ITGAV: variants seen among roughly 807,000 people sequenced by gnomAD.
The protein encoded by ITGAV is integrin alpha-V.
A neutral mutation model predicts 143.8 loss-of-function variants in ITGAV; 76 were observed. The ratio of observed to expected loss-of-function variants is 0.53; its 90% CI spans 0.44 to 0.64. The LOEUF is 0.64. Ranked by LOEUF, ITGAV falls within the 30% of genes least tolerant of loss-of-function variation. The pLI, the probability that ITGAV is intolerant of heterozygous loss-of-function variation, is 0.00. For missense variants in ITGAV, 1,193 were observed against 1,274.7 expected (o/e 0.94, Z 0.98); for synonymous variants, 453 against 446.7 (o/e 1.01, Z -0.18).
Position 186,591,466 on chromosome 2 carries a change from G to C in ITGAV, c.185+943G>C, listed in dbSNP as rs553376695. The stretch of plus-strand genomic sequence containing the variant: ...AATGATGTTTAAATCTTGTTTTCAA[G>C]AGAGAAACTGTTCTTAGGGTGCCTT... On this transcript the variant is annotated intron_variant, in intron 1 of 29. Coordinates refer to ENST00000261023, the MANE Select transcript of ITGAV (RefSeq NM_002210.5). Among the ~76,000 whole-genome samples the C allele has an allele frequency of 2.0e-5, 3 of 152,236 alleles. No individual in the cohort carries two copies. The East Asian group carries it at 5.8e-4, about 29-fold the overall frequency.
rs1268736476 is a variant in ITGAV at position 186,621,529 on chromosome 2, GA to G, written c.317-802del. On this transcript the variant is annotated intron_variant, in intron 2 of 29. Coordinates refer to ENST00000261023, the MANE Select transcript of ITGAV (RefSeq NM_002210.5). ...TCCCAATAAAGTCCTTTGTAACTTTGAAAAAAAATTGTCTGGACATAAAATT... is the reference window on the plus strand; with the variant it reads ...TCCCAATAAAGTCCTTTGTAACTTTGAAAAAAATTGTCTGGACATAAAATT... Among the ~76,000 whole-genome samples, 4 of 151,604 alleles carry G rather than the reference GA, an allele frequency of 2.6e-5. No homozygotes were observed. The South Asian group carries it at 6.3e-4, about 24-fold the overall frequency.
rs756748227 is a variant in ITGAV at position 186,665,105 on chromosome 2, T to C, written c.2074-21T>C. On this transcript the variant is annotated intron_variant, in intron 20 of 29. Transcript: ENST00000261023. ...ATTTCCTTTCATATCCATTTTTTTT[T>C]TTTTTTTTGGTCTATCAAAGGCCTT... The C allele has an allele frequency of 2.1e-6, 3 of 1,405,302 alleles. No individual in the cohort carries two copies. The Admixed American group carries it at 6.3e-5, about 30-fold the overall frequency. 87.1% of individuals were successfully genotyped at this position (1,405,302 alleles called of 1,614,324 possible). A position where few individuals can be genotyped will look rare whatever the true frequency, so the allele number is the denominator to read the frequency against.
intron 2 of ITGAV, among the ~76,000 whole-genome samples, chr2:186,619,902 G>C (rs1426050774): frequency 5.3e-5 from 8 of 152,040 alleles, no homozygotes; most frequent in Non-Finnish European, 1.2e-4. Flanking sequence ...TGAGGCAGGA[G>C]AATCGCTTGA....
chr2:186,640,964 ATGAG>A lies in ITGAV; in HGVS notation c.955_956+2del. The A allele has an allele frequency of 6.3e-7, 1 of 1,593,118 alleles. No homozygotes were observed. The highest frequency in any genetic ancestry group is 8.6e-7 in the Non-Finnish European group (1 of 1,166,286). ...GTAGCTGCCACTGACATTAATGGAG[ATGAG>A]TAAGTTTAAAAAAAAATGTTTCCAG... On this transcript the variant is annotated splice_donor_variant and coding_sequence_variant, in exon 11 of 30. Transcript: ENST00000261023. LOFTEE classifies it high-confidence loss of function.
At chr2:186,649,438 A>G (rs891039691) in intron 13 of ITGAV, among the ~76,000 whole-genome samples, 1 of 152,064 alleles carries the variant, frequency 6.6e-6, no homozygotes, top group East Asian at 1.9e-4. Flanking sequence ...GCTATCTGCT[A>G]TAGTATTTTA....
chr2:186,647,101 T>C (rs1160123244), intron 13 of ITGAV, among the ~76,000 whole-genome samples: 2 of 152,242 alleles, frequency 1.3e-5, no homozygotes, highest in Non-Finnish European at 2.9e-5. Context: ...GTTTCTCCTG[T>C]AGTCTTTAAT....
chr2:186,672,192 C>T (rs919259569), intron 26 of ITGAV, among the ~76,000 whole-genome samples: 3 of 151,992 alleles, frequency 2.0e-5, no homozygotes, highest in Non-Finnish European at 2.9e-5. Context: ...CCTCGTGATC[C>T]GCCCGCCTCG....
In ITGAV at chr2:186,638,392, C is replaced by A. The variant is rs763177841; in HGVS notation, c.847-17C>A. The A allele has an allele frequency of 3.1e-6, 5 of 1,608,804 alleles. No individual in the cohort carries two copies. The highest frequency in any genetic ancestry group is 4.3e-6 in the Non-Finnish European group (5 of 1,175,550). On this transcript the variant is annotated splice_polypyrimidine_tract_variant and intron_variant, in intron 9 of 29. Transcript: ENST00000261023. ...CTATTTTACCAGATTTCACATACTT[C>A]TATTTTTCCTTCACAGGTTTATATT...
At chr2:186,676,093 T>C in intron 28 of ITGAV, 166 bp downstream of exon 28, 1 of 563,882 alleles carries the variant, frequency 1.8e-6, no homozygotes, top group Non-Finnish European at 3.2e-6. Context: ...TTTTACTCCT[T>C]ACCCCGAAGT....
rs1686931937 is a variant in ITGAV at position 186,602,267 on chromosome 2, AC to A, written c.316+117del. On this transcript the variant is annotated intron_variant, in intron 2 of 29. Coordinates refer to ENST00000261023, the MANE Select transcript of ITGAV (RefSeq NM_002210.5). ...TTATATAGATAAGCACCTCAGCTTC[AC>A]AGGGAAAATTATATAAAGACAAACG... is the stretch of plus-strand genomic sequence containing the variant. 4.3e-6 allele frequency: 3 copies of A among 696,902 alleles called. No homozygotes were observed. In the East Asian group the frequency reaches 9.0e-5, roughly 21 times the overall value. 43.2% of individuals were successfully genotyped at this position (696,902 alleles called of 1,614,324 possible). A position where few individuals can be genotyped will look rare whatever the true frequency, so the allele number is the denominator to read the frequency against.
intron 2 of ITGAV, among the ~76,000 whole-genome samples, chr2:186,608,814 A>G (rs1265660978): frequency 6.6e-6 from 1 of 152,226 alleles, no homozygotes; most frequent in Admixed American, 6.5e-5. Context: ...GCTAAATTTA[A>G]CAGAACAAGA....
intron 2 of ITGAV, among the ~76,000 whole-genome samples, chr2:186,610,377 G>T (rs2370693): frequency 0.73 from 110,423 of 151,924 alleles, 40,192 homozygotes; most frequent in East Asian, 0.85. Flanking sequence ...CCCTGTTAAT[G>T]TTCTTTCAAG....
At chr2:186,676,670 T>A in intron 28 of ITGAV, 143 bp from the exon 29 acceptor site, 1 of 806,190 alleles carries the variant, frequency 1.2e-6, no homozygotes, top group South Asian at 2.1e-5. Context: ...GCTCTTGATA[T>A]CAAATGTGAA....
At chr2:186,660,299 G>A (rs61763064) in intron 18 of ITGAV, among the ~76,000 whole-genome samples, 2,981 of 152,180 alleles carry the variant, frequency 0.02, 104 homozygotes, top group African/African-American at 0.069. Flanking sequence ...CCCTTGGAGG[G>A]CAAGAATAAC....
chr2:186,603,232 T>A (rs568917400), intron 2 of ITGAV, among the ~76,000 whole-genome samples: 2 of 152,388 alleles, frequency 1.3e-5, no homozygotes, highest in Admixed American at 6.5e-5. Flanking sequence ...TCTGATTTGC[T>A]GGCTTTGACA....
At chr2:186,600,923 C>A in intron 1 of ITGAV, among the ~76,000 whole-genome samples, 1 of 149,308 alleles carries the variant, frequency 6.7e-6, no homozygotes, top group South Asian at 2.1e-4. Context: ...CATGCCATTG[C>A]ATTCTAGCCT....
chr2:186,646,797 A>G lies in ITGAV; in HGVS notation c.1271A>G (p.Gln424Arg). 1 of 1,612,852 alleles carries G rather than the reference A, an allele frequency of 6.2e-7. No homozygotes were observed. Among genetic ancestry groups the G allele is most frequent in the East Asian group, 2.2e-5 (1 of 44,840 alleles). Residue 424 changes from glutamine (Q) to arginine (R), a missense_variant, in exon 13 of 30, where the codon CAG becomes CGG. Physicochemically the swap from Gln to Arg is conservative, Grantham distance 43. Coordinates refer to ENST00000261023, the MANE Select transcript of ITGAV (RefSeq NM_002210.5). ...GTCCCATCTCAAATCCTTGAAGGGC[A>G]GTGGGCTGCTCGAAGCATGCCACCA... ...NAVPSQILEG[Q>R]WAARSMPPSF...
Position 186,677,297 on chromosome 2 carries a change from A to G in ITGAV, c.*5A>G, listed in dbSNP as rs1689242196. 5 of 1,599,346 alleles carry G rather than the reference A, an allele frequency of 3.1e-6. No homozygotes were observed. Among genetic ancestry groups the G allele is most frequent in the South Asian group, 1.1e-5 (1 of 90,518 alleles). ...GAAGGAAACTCAGAAACTTAACTGC[A>G]GTTTTTAAGTTATGCTACATCTTGA... On this transcript the variant is annotated 3_prime_UTR_variant, in exon 30 of 30. Coordinates refer to ENST00000261023, the MANE Select transcript of ITGAV (RefSeq NM_002210.5).
intron 4 of ITGAV, among the ~76,000 whole-genome samples, chr2:186,628,752 C>T (rs1687743106): frequency 6.6e-6 from 1 of 152,052 alleles, no homozygotes; most frequent in Non-Finnish European, 1.5e-5. Context: ...CTTTCTGATG[C>T]TAATATTATT....
Sources: gnomAD v4.1 joint callset for allele counts (sites outside exome capture counted in the v4.1 genomes callset) on GRCh38, gnomAD v4.1.1 for gene constraint, MANE v1.5 for transcripts, NCBI Gene and HGNC (gene_info 2026-07-23, HGNC 2026-07-21) for gene names.